Variants in GALNT2 observed in about 807,000 individuals in gnomAD.
GALNT2 encodes the protein polypeptide N-acetylgalactosaminyltransferase 2.
A neutral mutation model predicts 81.4 loss-of-function variants in GALNT2; 31 were observed. The observed-to-expected ratio is 0.38, with a 90% CI of 0.29 to 0.51. GALNT2 has a LOEUF of 0.51. Ranked by LOEUF, GALNT2 falls within the 20% of genes least tolerant of loss-of-function variation. The pLI is 0.87. For missense variants in GALNT2, 629 were observed against 765.7 expected (o/e 0.82, Z 2.11); for synonymous variants, 303 against 287.4 (o/e 1.05, Z -0.55).
At position 230,269,146 on chromosome 1, in the gene GALNT2, C is replaced by CTT. The variant is rs546120149; in HGVS notation, c.1440+3791_1440+3792dup. On this transcript the variant is annotated intron_variant, in intron 14 of 15. Coordinates refer to ENST00000366672, the MANE Select transcript of GALNT2 (RefSeq NM_004481.5). ...GATTGCTCAGAGAAATTTTTTTTTTCTTTTTTTTTTTTTGAGACGGAGTTT... is the reference window on the plus strand; with the variant it reads ...GATTGCTCAGAGAAATTTTTTTTTTCTTTTTTTTTTTTTTTGAGACGGAGTTT... Among the ~76,000 whole-genome samples, 66 of 118,318 alleles carry CTT rather than the reference C, an allele frequency of 5.6e-4. 1 individual carries two copies. Among genetic ancestry groups the CTT allele is most frequent in the African/African-American group, 2.0e-3 (60 of 30,464 alleles). The allele number at this position is 118,318 out of a possible 152,430, so 77.6% of individuals were successfully genotyped here.
At chr1:230,176,769 CT>C (rs1428261266) in intron 1 of GALNT2, among the ~76,000 whole-genome samples, 2 of 152,168 alleles carry the variant, frequency 1.3e-5, no homozygotes, top group Non-Finnish European at 2.9e-5. Flanking sequence ...CTTTTCAAAA[CT>C]TTTTTGCAGT....
At chr1:230,256,240 G>C (rs1314258564) in intron 11 of GALNT2, among the ~76,000 whole-genome samples, 1 of 152,142 alleles carries the variant, frequency 6.6e-6, no homozygotes, top group East Asian at 1.9e-4. Flanking sequence ...GGCAGATCAG[G>C]AGTTTGAGAC....
At chr1:230,075,681 A>G (rs560110788) in intron 1 of GALNT2, among the ~76,000 whole-genome samples, 4 of 152,272 alleles carry the variant, frequency 2.6e-5, no homozygotes, top group African/African-American at 7.2e-5. Flanking sequence ...CTTTCATTCT[A>G]GTGGGGGGCT....
chr1:230,089,738 G>A (rs753573574), intron 1 of GALNT2, among the ~76,000 whole-genome samples: 14 of 152,138 alleles, frequency 9.2e-5, no homozygotes, highest in Non-Finnish European at 1.9e-4. Context: ...GCATGTGACA[G>A]GATTTCCTTT....
chr1:230,221,025 CA>C (rs1664530502), intron 3 of GALNT2, among the ~76,000 whole-genome samples: 1 of 152,192 alleles, frequency 6.6e-6, no homozygotes, highest in Non-Finnish European at 1.5e-5. Context: ...GTGTTTGTTG[CA>C]CACAGGAAGA....
intron 1 of GALNT2, among the ~76,000 whole-genome samples, chr1:230,118,197 G>A (rs1162121869): frequency 1.3e-5 from 2 of 152,188 alleles, no homozygotes; most frequent in African/African-American, 4.8e-5. Context: ...ACTGAATACT[G>A]TTCCGTTGTC....
chr1:230,177,845 G>A (rs1309831884), intron 1 of GALNT2, among the ~76,000 whole-genome samples: 1 of 152,098 alleles, frequency 6.6e-6, no homozygotes, highest in East Asian at 1.9e-4. Flanking sequence ...TCATTTTAAT[G>A]GCTTTAATTT....
At chr1:230,122,284 T>C (rs555102112) in intron 1 of GALNT2, among the ~76,000 whole-genome samples, 59 of 152,194 alleles carry the variant, frequency 3.9e-4, no homozygotes, top group Non-Finnish European at 7.3e-4. Context: ...CTTTTGTAGT[T>C]GGTTAGAAAA....
At chr1:230,159,770 C>G (rs1180813145) in intron 1 of GALNT2, among the ~76,000 whole-genome samples, 2 of 152,244 alleles carry the variant, frequency 1.3e-5, no homozygotes, top group African/African-American at 4.8e-5. Flanking sequence ...CTACCTCCCC[C>G]CACCTGCAGG....
Position 230,243,572 on chromosome 1 carries a change from T to TCTATCAA in GALNT2, c.729+145_729+146insCTATCAA. The TCTATCAA allele has an allele frequency of 9.6e-7, 1 of 1,045,022 alleles. No homozygotes were observed. Among genetic ancestry groups the TCTATCAA allele is most frequent in the Non-Finnish European group, 1.3e-6 (1 of 761,558 alleles). 64.7% of individuals were successfully genotyped at this position (1,045,022 alleles called of 1,614,324 possible). A position where few individuals can be genotyped will look rare whatever the true frequency, so the allele number is the denominator to read the frequency against. ...TGAGCTCGCCGTCTGCAGTTTTCCT[T>TCTATCAA]GATAGAAGGAAAATGCCTTTGGGGC... On this transcript the variant is annotated intron_variant, in intron 7 of 15. Coordinates refer to ENST00000366672, the MANE Select transcript of GALNT2 (RefSeq NM_004481.5). This position sits in a 1 kb window ranked among gnomAD's most constrained non-coding sequence, Gnocchi z 4.2.
At chr1:230,230,810 G>T (rs1221927397) in intron 3 of GALNT2, among the ~76,000 whole-genome samples, 1 of 152,124 alleles carries the variant, frequency 6.6e-6, no homozygotes, top group Non-Finnish European at 1.5e-5. Flanking sequence ...AATTACAAGG[G>T]CAGTTCAGGG....
chr1:230,095,752 T>C (rs745794922), intron 1 of GALNT2, among the ~76,000 whole-genome samples: 9 of 152,196 alleles, frequency 5.9e-5, no homozygotes, highest in Non-Finnish European at 1.0e-4. Context: ...GCTCTGTCCT[T>C]GAGGGGCCTG....
intron 1 of GALNT2, among the ~76,000 whole-genome samples, chr1:230,146,511 A>G (rs1272951911): frequency 1.3e-5 from 2 of 152,200 alleles, no homozygotes; most frequent in Non-Finnish European, 2.9e-5. Flanking sequence ...GTGGGCTCAG[A>G]AAAGCCTGCT....
Position 230,281,626 on chromosome 1 carries a change from C to T in GALNT2, c.*2168C>T, listed in dbSNP as rs544506338. The T allele has an allele frequency of 5.2e-5, 8 of 152,732 alleles. No homozygotes were observed. Among genetic ancestry groups the T allele is most frequent in the African/African-American group, 1.9e-4 (8 of 41,470 alleles). 9.5% of individuals were successfully genotyped at this position (152,732 alleles called of 1,614,324 possible). A position where few individuals can be genotyped will look rare whatever the true frequency, so the allele number is the denominator to read the frequency against. On this transcript the variant is annotated 3_prime_UTR_variant, in exon 16 of 16. Coordinates refer to ENST00000366672, the MANE Select transcript of GALNT2 (RefSeq NM_004481.5). The stretch of plus-strand genomic sequence containing the variant: ...GGCCCTCTCAGCCTTCCTATCATCC[C>T]ACGTGTCTACCCAGACCCTTGTGCG...
intron 13 of GALNT2, 148 bp downstream of exon 13, chr1:230,263,153 G>T: frequency 1.5e-6 from 1 of 649,034 alleles, no homozygotes; most frequent in Non-Finnish European, 2.7e-6. Context: ...TCACTCCATG[G>T]TGTGGAGCTG....
At chr1:230,254,440 G>A (rs552088185) in intron 10 of GALNT2, among the ~76,000 whole-genome samples, 1 of 152,152 alleles carries the variant, frequency 6.6e-6, no homozygotes, top group Non-Finnish European at 1.5e-5. Context: ...TTACTGACTG[G>A]TCCAAGCCTG....
In GALNT2 at chr1:230,178,223, C is replaced by T; in HGVS notation, c.132C>T (p.Asp44=). Residue 44 remains aspartate (D), a synonymous_variant, in exon 2 of 16, where the codon GAC becomes GAT. Coordinates refer to ENST00000366672, the MANE Select transcript of GALNT2 (RefSeq NM_004481.5). ...CAGTGTCTTTGTTCCCCTAGGAGGACTGGAATGAAATTGACCCCATTAAAA... is the reference window on the plus strand; with the variant it reads ...CAGTGTCTTTGTTCCCCTAGGAGGATTGGAATGAAATTGACCCCATTAAAA... ...GAGGGAGRKE[D]WNEIDPIKKK... The T allele has an allele frequency of 6.2e-7, 1 of 1,613,050 alleles. No homozygotes were observed. The highest frequency in any genetic ancestry group is 8.5e-7 in the Non-Finnish European group (1 of 1,179,166).
intron 6 of GALNT2, among the ~76,000 whole-genome samples, chr1:230,238,585 A>G (rs1296079691): frequency 1.3e-5 from 2 of 152,254 alleles, no homozygotes; most frequent in Admixed American, 1.3e-4. Context: ...AACCATGTTA[A>G]TAATGAGATA....
In GALNT2 at chr1:230,070,853, G is replaced by C. The variant is rs1220980467; in HGVS notation, c.126+3447G>C. On this transcript the variant is annotated intron_variant, in intron 1 of 15. Coordinates refer to ENST00000366672, the MANE Select transcript of GALNT2 (RefSeq NM_004481.5). The surrounding 1 kb of genome is among the most constrained non-coding windows in gnomAD (Gnocchi z 4.7). ...GCCAAGCTGAACCATTTGGGAACTA[G>C]TAATGTTTTTGAGCTAGTAGTAGAC... 6.6e-6 allele frequency among the ~76,000 whole-genome samples: 1 copy of C among 152,194 alleles called. No homozygotes were observed. Among genetic ancestry groups the C allele is most frequent in the Admixed American group, 6.5e-5 (1 of 15,286 alleles).
Sources: gnomAD v4.1 joint callset for allele counts (sites outside exome capture counted in the v4.1 genomes callset) on GRCh38, gnomAD v4.1.1 for gene constraint, Gnocchi (gnomAD v3.1) non-coding constraint, MANE v1.5 for transcripts, NCBI Gene and HGNC (gene_info 2026-07-23, HGNC 2026-07-21) for gene names.